TNFRSF19: variants seen among roughly 807,000 people sequenced by gnomAD.
TNFRSF19 encodes the protein TNF receptor superfamily member 19.
TNFRSF19 carries 27 observed loss-of-function variants against 46.4 expected under a neutral mutation model. The observed-to-expected ratio is 0.58, with a 90% CI of 0.43 to 0.80. TNFRSF19 has a LOEUF of 0.80. TNFRSF19 is among the 30% of genes least tolerant of loss of function. The pLI is 0.00. For synonymous variants in TNFRSF19, 204 were observed against 205.0 expected, an observed-to-expected ratio of 1.00 and a Z score of 0.04; for missense variants, 511 against 530.8, an observed-to-expected ratio of 0.96 and a Z score of 0.37.
At position 23,637,201 on chromosome 13, in the gene TNFRSF19, GCTCT is replaced by G. The variant is rs113992867; in HGVS notation, c.445+10414_445+10417del. On this transcript the variant is annotated intron_variant, in intron 5 of 9. Coordinates refer to ENST00000248484, the MANE Select transcript of TNFRSF19 (RefSeq NM_148957.4). ...GGCCTGAAAAATAAAATCAGGGGAA[GCTCT>G]CTCTGATTACTAATTTTCTCATAAC... 7.6e-3 allele frequency among the ~76,000 whole-genome samples: 1,151 copies of G among 152,270 alleles called. 16 individuals are homozygous for G. Among genetic ancestry groups the G allele is most frequent in the African/African-American group, 0.026 (1,101 of 41,558 alleles).
intron 3 of TNFRSF19, among the ~76,000 whole-genome samples, chr13:23,607,294 T>C (rs1282862448): frequency 6.6e-6 from 1 of 151,944 alleles, no homozygotes; most frequent in African/African-American, 2.4e-5. Context: ...ATTAGCCAGG[T>C]GTGGTGGTGG....
chr13:23,611,290 G>T (rs1192132271), intron 3 of TNFRSF19, among the ~76,000 whole-genome samples: 1 of 151,360 alleles, frequency 6.6e-6, no homozygotes, highest in Non-Finnish European at 1.5e-5. Context: ...GTGTAGAACT[G>T]GGCTCCACTC....
chr13:23,611,329 A>G (rs1252164461), intron 3 of TNFRSF19, among the ~76,000 whole-genome samples: 1 of 152,230 alleles, frequency 6.6e-6, no homozygotes, highest in Non-Finnish European at 1.5e-5. Flanking sequence ...GTGGGGATAT[A>G]TAGCCAAGGA....
At chr13:23,585,509 A>G (rs1053434581) in intron 1 of TNFRSF19, 3 of 152,190 alleles carry the variant, frequency 2.0e-5, no homozygotes, top group African/African-American at 7.2e-5. Context: ...TCTGACCTGG[A>G]TTTGTGCTAC....
intron 7 of TNFRSF19, among the ~76,000 whole-genome samples, chr13:23,665,950 A>AT (rs1018634127): frequency 1.3e-5 from 2 of 151,942 alleles, no homozygotes; most frequent in Admixed American, 6.6e-5. Context: ...CATGATACTG[A>AT]TTTTTTTTGA....
chr13:23,588,243 G>A (rs770304259), intron 1 of TNFRSF19, among the ~76,000 whole-genome samples: 1 of 152,114 alleles, frequency 6.6e-6, no homozygotes, highest in Non-Finnish European at 1.5e-5. Context: ...CTTATTCCAG[G>A]TTGCACAGCT....
Position 23,636,139 on chromosome 13 carries a change from C to T in TNFRSF19, c.445+9347C>T, listed in dbSNP as rs140552364. 5.3e-3 allele frequency among the ~76,000 whole-genome samples: 803 copies of T among 152,244 alleles called. 7 individuals carry two copies. Among genetic ancestry groups the T allele is most frequent in the African/African-American group, 0.018 (754 of 41,542 alleles). On this transcript the variant is annotated intron_variant, in intron 5 of 9. Transcript: ENST00000248484. ...TGTGTGCATGTGTGTGTTAATGTTT[C>T]CTGTCCTTGCTTCATTCTCTGTCAA...
At chr13:23,636,726 G>A (rs1364648364) in intron 5 of TNFRSF19, among the ~76,000 whole-genome samples, 2 of 152,188 alleles carry the variant, frequency 1.3e-5, no homozygotes, top group African/African-American at 2.4e-5. Flanking sequence ...GGTGCATCAC[G>A]TAGGGCTCCT....
At chr13:23,616,415 T>C (rs1881296374) in intron 4 of TNFRSF19, among the ~76,000 whole-genome samples, 1 of 152,172 alleles carries the variant, frequency 6.6e-6, no homozygotes, top group Non-Finnish European at 1.5e-5. Flanking sequence ...TCACCCTCAT[T>C]AGCATCAGAG....
At chr13:23,648,103 A>G (rs891841402) in intron 5 of TNFRSF19, among the ~76,000 whole-genome samples, 17 of 152,204 alleles carry the variant, frequency 1.1e-4, no homozygotes, top group African/African-American at 4.1e-4. Flanking sequence ...ATTTTAGGAT[A>G]GGCTTTTTCA....
intron 5 of TNFRSF19, among the ~76,000 whole-genome samples, chr13:23,652,179 C>G (rs1324969): frequency 0.27 from 41,403 of 152,040 alleles, 6,139 homozygotes; most frequent in East Asian, 0.46. Context: ...CTGTGGTTAA[C>G]TGCTCTCTAG....
chr13:23,624,064 T>C (rs1228499580), intron 4 of TNFRSF19, among the ~76,000 whole-genome samples: 17 of 152,192 alleles, frequency 1.1e-4, no homozygotes, highest in Admixed American at 9.8e-4. Context: ...TATTTTCTTC[T>C]AGGAGTTTTA....
chr13:23,624,804 G>A (rs1260904780), intron 4 of TNFRSF19, among the ~76,000 whole-genome samples: 1 of 150,914 alleles, frequency 6.6e-6, no homozygotes, highest in Non-Finnish European at 1.5e-5. Flanking sequence ...AGGCTGGAGT[G>A]CAATGGCGCG....
chr13:23,674,232 G>T lies in TNFRSF19; in HGVS notation c.*852G>T, dbSNP rs897850130. The T allele has an allele frequency of 6.6e-6, 1 of 152,136 alleles. No homozygotes were observed. The highest frequency in any genetic ancestry group is 1.5e-5 in the Non-Finnish European group (1 of 68,016). The allele number at this position is 152,136 out of a possible 1,614,324, so 9.4% of individuals were successfully genotyped here. On this transcript the variant is annotated 3_prime_UTR_variant, in exon 10 of 10. Coordinates refer to ENST00000248484, the MANE Select transcript of TNFRSF19 (RefSeq NM_148957.4). The stretch of plus-strand genomic sequence containing the variant: ...CTGTCCCTCTGCCTGAGCTTAGAAG[G>T]TTATAGAAAAAGGGTATTTATAAAC...
At chr13:23,577,881 T>C (rs1336196454) in intron 1 of TNFRSF19, among the ~76,000 whole-genome samples, 1 of 151,896 alleles carries the variant, frequency 6.6e-6, no homozygotes, top group East Asian at 1.9e-4. Flanking sequence ...AGCCTGACAG[T>C]AGCAGTGATG....
intron 1 of TNFRSF19, among the ~76,000 whole-genome samples, chr13:23,584,780 C>G (rs1050020044): frequency 6.6e-6 from 1 of 152,142 alleles, no homozygotes; most frequent in African/African-American, 2.4e-5. Flanking sequence ...AAACCATTCT[C>G]ATTTTCCAGC....
chr13:23,619,127 C>A (rs1310789065), intron 4 of TNFRSF19, among the ~76,000 whole-genome samples: 6 of 152,094 alleles, frequency 3.9e-5, no homozygotes, highest in African/African-American at 1.2e-4. Flanking sequence ...TAAGACAAAC[C>A]CAAGTGTCTA....
At chr13:23,594,794 G>A (rs769711697) in intron 3 of TNFRSF19, among the ~76,000 whole-genome samples, 2 of 152,150 alleles carry the variant, frequency 1.3e-5, no homozygotes, top group African/African-American at 2.4e-5. Context: ...CAAGTGGGTC[G>A]CTGACCCCCC....
chr13:23,582,599 T>G (rs1878533683), intron 1 of TNFRSF19, among the ~76,000 whole-genome samples: 1 of 152,178 alleles, frequency 6.6e-6, no homozygotes, highest in Non-Finnish European at 1.5e-5. Flanking sequence ...ATATTTAAAT[T>G]TATAATTAGG....
Sources: allele counts gnomAD v4.1 joint callset (sites outside exome capture counted in the v4.1 genomes callset), GRCh38; gene constraint gnomAD v4.1.1; transcripts MANE v1.5; gene names NCBI Gene and HGNC (gene_info 2026-07-23, HGNC 2026-07-21).